RBFOX1: variants seen among roughly 807,000 people sequenced by gnomAD.
RBFOX1 encodes RNA binding protein fox-1 homolog 1.
In RBFOX1, 8 loss-of-function variants were observed where a neutral mutation model predicts 57.7. That is an observed-to-expected ratio of 0.14 (90% CI 0.08 to 0.25). RBFOX1 has a LOEUF of 0.25. RBFOX1 is among the 10% of genes least tolerant of loss of function. RBFOX1 has a pLI of 1.00. For missense variants in RBFOX1, 611 were observed against 548.5 expected, an observed-to-expected ratio of 1.11 and a Z score of -1.14; for synonymous variants, 326 against 222.4, an observed-to-expected ratio of 1.47 and a Z score of -4.15.
chr16:5,730,532 A>G (rs760238581), intron 3 of RBFOX1, among the ~76,000 whole-genome samples: 2 of 152,168 alleles, frequency 1.3e-5, no homozygotes, highest in Non-Finnish European at 2.9e-5. Context: ...TCTTTGGGAT[A>G]GAATAATACT....
chr16:5,519,893 G>A (rs1425513213), intron 2 of RBFOX1, among the ~76,000 whole-genome samples: 1 of 151,868 alleles, frequency 6.6e-6, no homozygotes, highest in Non-Finnish European at 1.5e-5. Flanking sequence ...ATTCTTTATT[G>A]AGCCCATACT....
At chr16:6,268,922 A>G (rs1158459751) in intron 1 of RBFOX1, among the ~76,000 whole-genome samples, 2 of 152,212 alleles carry the variant, frequency 1.3e-5, no homozygotes, top group Admixed American at 6.5e-5. Context: ...ATGGATGTTC[A>G]AGTTCCTGAT....
At chr16:6,575,895 A>AAATT (rs1567740642) in intron 2 of RBFOX1, among the ~76,000 whole-genome samples, 2 of 149,460 alleles carry the variant, frequency 1.3e-5, no homozygotes, top group Non-Finnish European at 2.9e-5. Context: ...ATAAATAAAT[A>AAATT]AAGATTAATA....
rs1187800180 is a variant in RBFOX1 at position 5,356,164 on chromosome 16, C to G, written c.220-111052C>G. On this transcript the variant is annotated intron_variant, in intron 1 of 2. Coordinates refer to the RBFOX1 transcript ENST00000585867. ...GGCCGTGTGCAGGTGGATGCAGAGA[C>G]TGGAGTGACGCATCTAACAGCCAAG... Among the ~76,000 whole-genome samples, 3 of 152,234 alleles carry G rather than the reference C, an allele frequency of 2.0e-5. No individual in the cohort carries two copies. The Middle Eastern group carries it at 0.01, about 518-fold the overall frequency.
intron 1 of RBFOX1, among the ~76,000 whole-genome samples, chr16:5,364,432 G>C (rs78108039): frequency 0.027 from 4,035 of 152,238 alleles, 175 homozygotes; most frequent in African/African-American, 0.091. Flanking sequence ...GAAATATTCC[G>C]GTTCCAATTA....
chr16:5,504,432 C>T (rs1377049636), intron 2 of RBFOX1, among the ~76,000 whole-genome samples: 2 of 152,234 alleles, frequency 1.3e-5, no homozygotes, highest in African/African-American at 2.4e-5. Context: ...AAGCAGTTTC[C>T]TGCAGTAGGG....
chr16:5,753,757 C>G (rs1418569193), intron 3 of RBFOX1, among the ~76,000 whole-genome samples: 1 of 152,152 alleles, frequency 6.6e-6, no homozygotes, highest in Non-Finnish European at 1.5e-5. Flanking sequence ...GCACTGCTCT[C>G]CCTTGTATAG....
chr16:6,896,829 A>G (rs748396125), intron 3 of RBFOX1, among the ~76,000 whole-genome samples: 139 of 152,202 alleles, frequency 9.1e-4, no homozygotes, highest in Admixed American at 3.1e-3. Context: ...ATAGGATAGA[A>G]AGAAGATTGC....
At chr16:7,577,429 A>G (rs2093424690) in intron 5 of RBFOX1, among the ~76,000 whole-genome samples, 1 of 152,178 alleles carries the variant, frequency 6.6e-6, no homozygotes, top group African/African-American at 2.4e-5. Flanking sequence ...ATCTCTGCAC[A>G]TCTGCACATG....
At chr16:7,696,634 G>A (rs1017113954) in intron 14 of RBFOX1, among the ~76,000 whole-genome samples, 1 of 152,016 alleles carries the variant, frequency 6.6e-6, no homozygotes, top group African/African-American at 2.4e-5. Context: ...GTCAGGAGAA[G>A]GTCTCATCAA....
At chr16:5,913,922 A>G (rs1419027396) in intron 4 of RBFOX1, among the ~76,000 whole-genome samples, 2 of 152,244 alleles carry the variant, frequency 1.3e-5, no homozygotes, top group South Asian at 2.1e-4. Flanking sequence ...TGGACAGGGT[A>G]TATTCTGTCA....
At chr16:7,273,743 C>A (rs1044772278) in intron 4 of RBFOX1, among the ~76,000 whole-genome samples, 8 of 152,196 alleles carry the variant, frequency 5.3e-5, no homozygotes, top group Non-Finnish European at 1.2e-4. Flanking sequence ...CCCCATTCAT[C>A]AGAATACAGT....
intron 1 of RBFOX1, among the ~76,000 whole-genome samples, chr16:6,242,580 C>T (rs1335432484): frequency 6.7e-6 from 1 of 150,058 alleles, no homozygotes; most frequent in Non-Finnish European, 1.5e-5. Context: ...ATGCAACTCT[C>T]TGCTTGTTAG....
rs568143417 is a variant in RBFOX1 at position 7,097,128 on chromosome 16, C to T, written c.27+45030C>T. The stretch of plus-strand genomic sequence containing the variant: ...AAAAAATGTGCTTGGGAAATGCAAC[C>T]GCGAGAGAGGTATTGTGAATGGTGA... On this transcript the variant is annotated intron_variant, in intron 4 of 15. Transcript: ENST00000550418. 6.6e-5 allele frequency among the ~76,000 whole-genome samples: 10 copies of T among 152,046 alleles called. No individual in the cohort carries two copies. The East Asian group carries it at 9.7e-4, about 15-fold the overall frequency.
At chr16:5,368,092 C>T (rs2065769802) in intron 1 of RBFOX1, among the ~76,000 whole-genome samples, 1 of 152,180 alleles carries the variant, frequency 6.6e-6, no homozygotes, top group Non-Finnish European at 1.5e-5. Flanking sequence ...CAGTTCAGCC[C>T]ATTAGATTTG....
chr16:7,240,816 T>G (rs2094017091), intron 4 of RBFOX1, among the ~76,000 whole-genome samples: 1 of 152,194 alleles, frequency 6.6e-6, no homozygotes, highest in African/African-American at 2.4e-5. Context: ...GCGATCCACC[T>G]GCCTCAGCCT....
intron 3 of RBFOX1, chr16:6,723,733 T>C (rs1603461714): frequency 7.7e-6 from 1 of 130,428 alleles, no homozygotes; most frequent in Non-Finnish European, 1.6e-5. Context: ...CTCGTGAAGA[T>C]TTTTTTTTTC....
At chr16:7,185,158 A>G (rs1011960037) in intron 4 of RBFOX1, among the ~76,000 whole-genome samples, 1 of 152,024 alleles carries the variant, frequency 6.6e-6, no homozygotes, top group Non-Finnish European at 1.5e-5. Context: ...CAAAGTGTCA[A>G]CCGCAGAATA....
chr16:5,632,681 A>G (rs2048554494), intron 3 of RBFOX1: 1 of 152,236 alleles, frequency 6.6e-6, no homozygotes. Context: ...CTATAAGGGC[A>G]TATTGGGAAG....
Sources: allele counts gnomAD v4.1 joint callset (sites outside exome capture counted in the v4.1 genomes callset), GRCh38; gene constraint gnomAD v4.1.1; transcripts MANE v1.5; gene names NCBI Gene and HGNC (gene_info 2026-07-23, HGNC 2026-07-21).